XYLB: variants seen among roughly 807,000 people sequenced by gnomAD.
XYLB encodes the protein xylulokinase.
XYLB carries 62 observed loss-of-function variants against 78.7 expected under a neutral mutation model. The ratio of observed to expected loss-of-function variants is 0.79; its 90% CI spans 0.64 to 0.97. XYLB has a LOEUF of 0.97. XYLB is among the 50% of genes least tolerant of loss of function. XYLB has a pLI of 0.00. For synonymous variants in XYLB, 245 were observed against 247.4 expected (o/e 0.99, Z 0.09); for missense variants, 687 against 676.8 (o/e 1.02, Z -0.17).
chr3:38,444,046 G>A, the XYLB span, among the ~76,000 whole-genome samples: 1 of 152,068 alleles, frequency 6.6e-6, no homozygotes, highest in Non-Finnish European at 1.5e-5. Flanking sequence ...AAAATACCAG[G>A]TATCTCCAAA....
intron 17 of XYLB, among the ~76,000 whole-genome samples, chr3:38,400,123 A>G (rs530444265): frequency 6.6e-6 from 1 of 152,168 alleles, no homozygotes; most frequent in Non-Finnish European, 1.5e-5. Context: ...GAAATTGCTC[A>G]TTGTTTCTTG....
chr3:38,379,338 AG>A lies in XYLB; in HGVS notation c.1288del (p.Val430SerfsTer34). The A allele has an allele frequency of 6.2e-7, 1 of 1,613,992 alleles. No homozygotes were observed. The highest frequency in any genetic ancestry group is 1.1e-5 in the South Asian group (1 of 91,072). On this transcript the variant is annotated frameshift_variant, in exon 15 of 19. Transcript: ENST00000207870. LOFTEE classifies it high-confidence loss of function. The part of the protein sequence containing the change: ...RIHAEGLGYR[V>X]MSKTKILATG... ...TTCACGCAGAAGGCCTGGGCTATCG[AG>A]TCAGTAAGTGAGCCACTGGCAGCAT... is the stretch of plus-strand genomic sequence containing the variant.
chr3:38,430,552 A>G, the XYLB span, among the ~76,000 whole-genome samples: 4 of 152,218 alleles, frequency 2.6e-5, no homozygotes, highest in Admixed American at 6.5e-5. Flanking sequence ...GAAGCTCTTT[A>G]GTTTAATTAG....
At chr3:38,444,561 G>A in the XYLB span, among the ~76,000 whole-genome samples, 3 of 152,292 alleles carry the variant, frequency 2.0e-5, no homozygotes, top group Non-Finnish European at 4.4e-5. Flanking sequence ...AAAAGGTCAA[G>A]CTGCAGGATA....
chr3:38,397,823 C>CTTT (rs71085321), intron 17 of XYLB, among the ~76,000 whole-genome samples: 4 of 138,624 alleles, frequency 2.9e-5, no homozygotes, highest in Non-Finnish European at 3.1e-5. Context: ...TTTTTCTTTT[C>CTTT]TTTTTTTTTT....
chr3:38,394,011 C>T (rs1393612177), intron 15 of XYLB, among the ~76,000 whole-genome samples: 1 of 152,062 alleles, frequency 6.6e-6, no homozygotes, highest in East Asian at 1.9e-4. Flanking sequence ...GTTTATAGGT[C>T]TTCATTTTTC....
downstream of XYLB, among the ~76,000 whole-genome samples, chr3:38,417,706 C>T (rs1270883485): frequency 6.6e-6 from 1 of 151,636 alleles, no homozygotes; most frequent in Non-Finnish European, 1.5e-5. Flanking sequence ...ATGGTGAAAC[C>T]CCATCTCTAC....
In XYLB at chr3:38,395,459, T is replaced by C. The variant is rs1162846458; in HGVS notation, c.1292-46T>C. On this transcript the variant is annotated intron_variant, in intron 15 of 18. Transcript: ENST00000207870. ...TCTGCAAAAACAGCCCTTTCTGCCT[T>C]GGGAGAACTGGCATAGCTATTTTAC... 3.8e-6 allele frequency: 6 copies of C among 1,598,380 alleles called. No individual in the cohort carries two copies. In the Admixed American group the frequency reaches 1.0e-4, roughly 27 times the overall value.
chr3:38,424,172 A>G (rs1240091627), downstream of XYLB, among the ~76,000 whole-genome samples: 1 of 152,108 alleles, frequency 6.6e-6, no homozygotes, highest in East Asian at 1.9e-4. Context: ...GATCCAGAAA[A>G]GATTGATTTT....
At chr3:38,452,581 G>A in the XYLB span, 5 of 152,132 alleles carry the variant, frequency 3.3e-5, no homozygotes, top group South Asian at 1.0e-3. Context: ...GGAATTACAG[G>A]TGTGTGTCAC....
chr3:38,413,460 G>GCC lies in XYLB; in HGVS notation c.*451_*452dup, dbSNP rs1457210340. 1 of 154,962 alleles carries GCC rather than the reference G, an allele frequency of 6.5e-6. No homozygotes were observed. Among genetic ancestry groups the GCC allele is most frequent in the Non-Finnish European group, 1.4e-5 (1 of 70,576 alleles). The allele number at this position is 154,962 out of a possible 1,614,324, so 9.6% of individuals were successfully genotyped here. A position where few individuals can be genotyped will look rare whatever the true frequency, so the allele number is the denominator to read the frequency against. ...CCTCCACAAACCGTGACCCATAGCC[G>GCC]CCCCCACCCCATACCTTGATCTACC... On this transcript the variant is annotated 3_prime_UTR_variant, in exon 19 of 19. Transcript: ENST00000207870.
At chr3:38,362,663 A>G (rs920054675) in intron 3 of XYLB, among the ~76,000 whole-genome samples, 13 of 152,198 alleles carry the variant, frequency 8.5e-5, no homozygotes, top group African/African-American at 3.1e-4. Context: ...CCCTGTCTCG[A>G]AGAAAAAAAA....
At chr3:38,443,700 G>A in the XYLB span, among the ~76,000 whole-genome samples, 1 of 152,176 alleles carries the variant, frequency 6.6e-6, no homozygotes, top group African/African-American at 2.4e-5. Flanking sequence ...TGATATCTGT[G>A]ACTGATTGGG....
the XYLB span, among the ~76,000 whole-genome samples, chr3:38,431,596 GA>G: frequency 1.3e-5 from 2 of 152,224 alleles, no homozygotes; most frequent in Admixed American, 6.5e-5. Context: ...TGTTGAATAG[GA>G]GTGGTGAGAG....
chr3:38,355,384 T>C (rs1467643485), intron 2 of XYLB, among the ~76,000 whole-genome samples: 2 of 152,246 alleles, frequency 1.3e-5, no homozygotes, highest in Admixed American at 1.3e-4. Flanking sequence ...CATCCAATGA[T>C]AGCAAGTAGA....
At chr3:38,403,333 C>T (rs933262558) in intron 18 of XYLB, among the ~76,000 whole-genome samples, 29 of 151,808 alleles carry the variant, frequency 1.9e-4, no homozygotes, top group Non-Finnish European at 4.4e-5. Flanking sequence ...TTTACATTTC[C>T]TTTTTTGCAT....
At position 38,363,007 on chromosome 3, in the gene XYLB, G is replaced by T; in HGVS notation, c.281G>T (p.Gly94Val). The T allele has an allele frequency of 6.4e-7, 1 of 1,557,710 alleles. No homozygotes were observed. The highest frequency in any genetic ancestry group is 1.4e-5 in the African/African-American group (1 of 72,882). ...TTCTCTCAAGTCCTAGCCTTGTCCGGGGCGGGCCAGGTTCGTTTGCAGCAG... is the reference window on the plus strand; with the variant it reads ...TTCTCTCAAGTCCTAGCCTTGTCCGTGGCGGGCCAGGTTCGTTTGCAGCAG... ...FDFSQVLALS[G>V]AGQQHGSIYW... Residue 94 changes from glycine (G) to valine (V), a missense_variant, in exon 4 of 19, where the codon GGG (glycine) becomes GTG (valine). Coordinates refer to ENST00000207870, the MANE Select transcript of XYLB (RefSeq NM_005108.4).
chr3:38,450,529 T>G, the XYLB span, among the ~76,000 whole-genome samples: 1 of 152,234 alleles, frequency 6.6e-6, no homozygotes, highest in Non-Finnish European at 1.5e-5. Flanking sequence ...TTCACTGCCA[T>G]AAATTCTACA....
At chr3:38,356,467 G>A (rs1322546304) in intron 2 of XYLB, 1 of 152,332 alleles carries the variant, frequency 6.6e-6, no homozygotes, top group South Asian at 2.1e-4. Flanking sequence ...CCTGCCAGTA[G>A]TGGCAACCAC....
Sources: gnomAD v4.1 joint callset for allele counts (sites outside exome capture counted in the v4.1 genomes callset) on GRCh38, gnomAD v4.1.1 for gene constraint, MANE v1.5 for transcripts, NCBI Gene and HGNC (gene_info 2026-07-23, HGNC 2026-07-21) for gene names.